GPRASP3: variants seen among roughly 807,000 people sequenced by gnomAD.
The protein encoded by GPRASP3 is G protein-coupled receptor associated sorting protein 3.
At chrX:102,750,197 T>C in the GPRASP3 span, 1 of 1,205,056 alleles carries the variant, frequency 8.3e-7, no homozygotes, top group Non-Finnish European at 1.1e-6. Flanking sequence ...CAACGCAAAA[T>C]TGAATTACAT....
chrX:102,738,507 C>T, the GPRASP3 span, among the ~76,000 whole-genome samples: 2 of 109,683 alleles, frequency 1.8e-5, no homozygotes, highest in Non-Finnish European at 1.9e-5. Flanking sequence ...AATGGTAATC[C>T]GTTAGGCTAG....
chrX:102,737,698 G>A, the GPRASP3 span, among the ~76,000 whole-genome samples: 2 of 111,475 alleles, frequency 1.8e-5, no homozygotes, highest in Non-Finnish European at 3.8e-5. Flanking sequence ...TCCATTTCAT[G>A]GAAACTTTGA....
At chrX:102,743,541 C>T in the GPRASP3 span, among the ~76,000 whole-genome samples, 9 of 111,076 alleles carry the variant, frequency 8.1e-5, no homozygotes, top group African/African-American at 3.0e-4. Flanking sequence ...GTTCTTCCTG[C>T]CAGCTGCACA....
the GPRASP3 span, chrX:102,748,975 C>T: frequency 6.7e-6 from 8 of 1,187,913 alleles, no homozygotes; most frequent in African/African-American, 7.1e-5. Flanking sequence ...CTGGACAGGG[C>T]CATATAACTG....
At chrX:102,737,905 G>A in the GPRASP3 span, among the ~76,000 whole-genome samples, 8 of 111,062 alleles carry the variant, frequency 7.2e-5, no homozygotes, top group East Asian at 1.1e-3. Context: ...ACCAGGGACC[G>A]GTGGGTGAAT....
At chrX:102,721,329 C>T in the GPRASP3 span, among the ~76,000 whole-genome samples, 4 of 111,418 alleles carry the variant, frequency 3.6e-5, no homozygotes, top group Non-Finnish European at 5.7e-5. Context: ...GCTATGCGTC[C>T]GCACTCATTC....
the GPRASP3 span, among the ~76,000 whole-genome samples, chrX:102,732,382 G>C: frequency 3.6e-5 from 4 of 111,611 alleles, no homozygotes; most frequent in Admixed American, 9.5e-5. Flanking sequence ...CTGATGATCA[G>C]TCTAGGGGTC....
the GPRASP3 span, among the ~76,000 whole-genome samples, chrX:102,739,231 C>T: frequency 9.0e-6 from 1 of 111,431 alleles, no homozygotes; most frequent in Non-Finnish European, 1.9e-5. Context: ...ATATCCTTGT[C>T]TCCATGGCCT....
the GPRASP3 span, among the ~76,000 whole-genome samples, chrX:102,745,662 G>A: frequency 9.0e-6 from 1 of 111,368 alleles, no homozygotes; most frequent in South Asian, 3.8e-4. Flanking sequence ...TTGGGGCGGG[G>A]GTGCAGACAC....
chrX:102,724,550 C>T, the GPRASP3 span, among the ~76,000 whole-genome samples: 1 of 110,695 alleles, frequency 9.0e-6, no homozygotes, highest in East Asian at 2.8e-4. Context: ...TTTCTTATCA[C>T]AGCTCCCTTA....
the GPRASP3 span, among the ~76,000 whole-genome samples, chrX:102,722,540 TCTC>T: frequency 8.9e-6 from 1 of 111,813 alleles, no homozygotes; most frequent in Non-Finnish European, 1.9e-5. Flanking sequence ...GCCCCTCTCT[TCTC>T]CTTGGAGGTC....
the GPRASP3 span, among the ~76,000 whole-genome samples, chrX:102,723,081 C>T: frequency 9.0e-6 from 1 of 111,283 alleles, no homozygotes; most frequent in Non-Finnish European, 1.9e-5. Context: ...ATAATTTATA[C>T]CCCATAAATA....
At chrX:102,743,877 A>C in the GPRASP3 span, among the ~76,000 whole-genome samples, 2 of 110,865 alleles carry the variant, frequency 1.8e-5, no homozygotes, top group African/African-American at 6.6e-5. Flanking sequence ...AAGATACCTC[A>C]AAAGGCCAAT....
the GPRASP3 span, among the ~76,000 whole-genome samples, chrX:102,726,524 T>G: frequency 1.8e-5 from 2 of 111,608 alleles, no homozygotes; most frequent in African/African-American, 6.5e-5. Context: ...ATCACAGTAC[T>G]TATTTTTACT....
the GPRASP3 span, among the ~76,000 whole-genome samples, chrX:102,734,527 G>A: frequency 8.9e-6 from 1 of 111,886 alleles, no homozygotes; most frequent in African/African-American, 3.3e-5. Flanking sequence ...TGAGGAAGCA[G>A]AATCAGTAGA....
the GPRASP3 span, among the ~76,000 whole-genome samples, chrX:102,729,201 T>C: frequency 9.0e-6 from 1 of 111,618 alleles, no homozygotes; most frequent in African/African-American, 3.3e-5. Context: ...TTTTGTGAAA[T>C]ACACCCAGAG....
the GPRASP3 span, among the ~76,000 whole-genome samples, chrX:102,742,659 C>G: frequency 1.8e-5 from 2 of 111,157 alleles, 1 homozygote; most frequent in Non-Finnish European, 3.8e-5. Flanking sequence ...TGCAAGTTGT[C>G]CTATTGGTTT....
chrX:102,740,746 A>G, the GPRASP3 span, among the ~76,000 whole-genome samples: 1 of 111,157 alleles, frequency 9.0e-6, no homozygotes, highest in Non-Finnish European at 1.9e-5. Context: ...TAACAAAGAC[A>G]TTGAAAATAA....
the GPRASP3 span, among the ~76,000 whole-genome samples, chrX:102,746,628 C>T: frequency 1.8e-5 from 2 of 112,408 alleles, no homozygotes; most frequent in East Asian, 5.7e-4. Flanking sequence ...GGCCCTGATT[C>T]CGGAAAGGGG....
Sources: allele counts gnomAD v4.1 joint callset (sites outside exome capture counted in the v4.1 genomes callset), GRCh38; gene constraint gnomAD v4.1.1; transcripts MANE v1.5; gene names NCBI Gene and HGNC (gene_info 2026-07-23, HGNC 2026-07-21).